Variants in MRPL1 observed in about 807,000 individuals in gnomAD.
MRPL1 encodes large ribosomal subunit protein uL1m.
Under a neutral mutation model 38.0 loss-of-function variants are expected in MRPL1, and 28 were observed. That is an observed-to-expected ratio of 0.74 (90% CI 0.55 to 1.01). MRPL1 has a LOEUF of 1.01. MRPL1 is among the 50% of genes least tolerant of loss of function. The pLI is 0.00. For synonymous variants in MRPL1, 123 were observed against 126.7 expected, an observed-to-expected ratio of 0.97 and a Z score of 0.20; for missense variants, 358 against 389.8, an observed-to-expected ratio of 0.92 and a Z score of 0.69.
intron 7 of MRPL1, among the ~76,000 whole-genome samples, chr4:77,925,732 T>G (rs1054563391): frequency 6.6e-6 from 1 of 152,022 alleles, no homozygotes; most frequent in Non-Finnish European, 1.5e-5. Context: ...TGCATCACCA[T>G]GTTTTGATTC....
intron 7 of MRPL1, among the ~76,000 whole-genome samples, chr4:77,937,076 GT>G (rs1737002110): frequency 6.6e-6 from 1 of 151,952 alleles, no homozygotes; most frequent in Non-Finnish European, 1.5e-5. Flanking sequence ...AATGAGGTGT[GT>G]TAGTGTCATT....
intron 7 of MRPL1, among the ~76,000 whole-genome samples, chr4:77,947,796 T>C (rs1737305446): frequency 6.6e-6 from 1 of 152,368 alleles, no homozygotes; most frequent in South Asian, 2.1e-4. Context: ...AACATTTCCA[T>C]AATTTTGCAC....
At chr4:77,869,973 T>C (rs1294001114) in intron 1 of MRPL1, among the ~76,000 whole-genome samples, 3 of 152,100 alleles carry the variant, frequency 2.0e-5, no homozygotes, top group Admixed American at 6.5e-5. Context: ...GCCTCAACTT[T>C]CCTGGCTCAA....
At chr4:77,889,614 C>G (rs1316534337) in intron 5 of MRPL1, among the ~76,000 whole-genome samples, 2 of 151,924 alleles carry the variant, frequency 1.3e-5, no homozygotes, top group East Asian at 3.9e-4. Flanking sequence ...TAGCAGAAAG[C>G]AAGAAATAAC....
At chr4:77,923,665 G>A (rs1000610815) in intron 7 of MRPL1, among the ~76,000 whole-genome samples, 5 of 152,042 alleles carry the variant, frequency 3.3e-5, no homozygotes, top group African/African-American at 1.2e-4. Context: ...GCCGGGTGTG[G>A]TGGCTCACAC....
At chr4:77,927,467 A>G (rs951020332) in intron 7 of MRPL1, among the ~76,000 whole-genome samples, 1 of 152,150 alleles carries the variant, frequency 6.6e-6, no homozygotes, top group Non-Finnish European at 1.5e-5. Flanking sequence ...CTGTTTTTTT[A>G]TATCACAGGA....
rs750137469 is a variant in MRPL1 at position 77,883,401 on chromosome 4, A to G, written c.303A>G (p.Lys101=). 6.2e-7 allele frequency: 1 copy of G among 1,613,980 alleles called. No homozygotes were observed. The change falls in exon 3 of 9, where the codon AAA becomes AAG. Residue 101 remains lysine (K), a synonymous_variant. Coordinates refer to ENST00000315567, the MANE Select transcript of MRPL1 (RefSeq NM_020236.4). ...LYPRQIYEVE[K]AVHLLKKFQI... ...CGAGACAGATATATGAGGTGGAGAA[A>G]GCTGTTCACTTACTTAAGAAATTTC...
chr4:77,865,831 G>A (rs893075469), intron 1 of MRPL1, among the ~76,000 whole-genome samples: 3 of 152,136 alleles, frequency 2.0e-5, no homozygotes, highest in African/African-American at 7.2e-5. Context: ...TACTGTCAAT[G>A]AGTAGTGAAA....
At chr4:77,940,908 A>C (rs919876168) in intron 7 of MRPL1, among the ~76,000 whole-genome samples, 1 of 152,150 alleles carries the variant, frequency 6.6e-6, no homozygotes, top group African/African-American at 2.4e-5. Context: ...GTCATAGTGG[A>C]TTATCTTTTT....
intron 1 of MRPL1, among the ~76,000 whole-genome samples, chr4:77,871,308 CTT>C (rs11327498): frequency 1.3e-4 from 19 of 143,986 alleles, no homozygotes; most frequent in African/African-American, 2.0e-4. Flanking sequence ...TATTATTACA[CTT>C]TTTTTTTTTT....
At chr4:77,890,231 G>A (rs1201314689) in intron 5 of MRPL1, among the ~76,000 whole-genome samples, 18 of 152,280 alleles carry the variant, frequency 1.2e-4, no homozygotes, top group South Asian at 2.1e-4. Flanking sequence ...AAAATCCTCA[G>A]TAAAATACTG....
intron 7 of MRPL1, among the ~76,000 whole-genome samples, chr4:77,928,981 GTA>G (rs1177034615): frequency 1.3e-5 from 2 of 152,146 alleles, no homozygotes; most frequent in African/African-American, 2.4e-5. Flanking sequence ...TTAATCCATT[GTA>G]TTTACAATGT....
chr4:77,888,861 C>A (rs936296487), intron 5 of MRPL1, among the ~76,000 whole-genome samples: 6 of 152,126 alleles, frequency 3.9e-5, no homozygotes, highest in Admixed American at 6.6e-5. Flanking sequence ...ATCCCTCCCC[C>A]GTCCCCTACT....
intron 7 of MRPL1, among the ~76,000 whole-genome samples, chr4:77,922,449 T>C (rs934855645): frequency 4.6e-5 from 7 of 152,126 alleles, no homozygotes; most frequent in Admixed American, 3.3e-4. Context: ...TTTGAAGGGA[T>C]TGAGCAGACT....
At chr4:77,886,121 A>G (rs537705047) in intron 4 of MRPL1, among the ~76,000 whole-genome samples, 5 of 152,302 alleles carry the variant, frequency 3.3e-5, no homozygotes, top group African/African-American at 1.2e-4. Flanking sequence ...TCCACAAACT[A>G]TAATGGTTCT....
chr4:77,868,116 G>A (rs1474633970), intron 1 of MRPL1, among the ~76,000 whole-genome samples: 2 of 151,870 alleles, frequency 1.3e-5, no homozygotes, highest in Admixed American at 1.3e-4. Context: ...AGGCTGGAGT[G>A]CAGTGGCACG....
intron 8 of MRPL1, 40 bp from the exon 9 acceptor site, chr4:77,952,449 C>A: frequency 7.3e-7 from 1 of 1,363,798 alleles, no homozygotes; most frequent in Non-Finnish European, 1.0e-6. Context: ...GGTGGTATTG[C>A]GATATAAAAA....
At position 77,876,987 on chromosome 4, in the gene MRPL1, G is replaced by A. The variant is rs550240658; in HGVS notation, c.143+5132G>A. Among the ~76,000 whole-genome samples, 6 of 152,144 alleles carry A rather than the reference G, an allele frequency of 3.9e-5. No individual in the cohort carries two copies. In the South Asian group the frequency reaches 6.2e-4, roughly 16 times the overall value. The stretch of plus-strand genomic sequence containing the variant: ...GTGATCTTGGCTTACTGCAACTTCC[G>A]CTTCCCAGGTTCAAGTGATTCTCCT... On this transcript the variant is annotated intron_variant, in intron 2 of 8. Coordinates refer to ENST00000315567, the MANE Select transcript of MRPL1 (RefSeq NM_020236.4).
intron 7 of MRPL1, among the ~76,000 whole-genome samples, chr4:77,919,743 C>T (rs1736518516): frequency 6.6e-6 from 1 of 151,514 alleles, no homozygotes; most frequent in African/African-American, 2.4e-5. Context: ...CATTTAATAC[C>T]ATAATAAATT....
Sources: allele counts gnomAD v4.1 joint callset (sites outside exome capture counted in the v4.1 genomes callset), GRCh38; gene constraint gnomAD v4.1.1; transcripts MANE v1.5; gene names NCBI Gene and HGNC (gene_info 2026-07-23, HGNC 2026-07-21).